Variants in ATP8A1 observed in about 807,000 individuals in gnomAD.
ATP8A1 encodes phospholipid-transporting ATPase IA.
ATP8A1 carries 90 observed loss-of-function variants against 177.7 expected under a neutral mutation model. That is an observed-to-expected ratio of 0.51 (90% CI 0.43 to 0.60). The LOEUF (loss-of-function observed/expected upper bound fraction) is 0.60, where lower values mean the gene tolerates loss of function less well. ATP8A1 is among the 20% of genes least tolerant of loss of function. The pLI is 0.00. For synonymous variants in ATP8A1, 493 were observed against 485.9 expected, an observed-to-expected ratio of 1.01 and a Z score of -0.19; for missense variants, 1,072 against 1,392.8, an observed-to-expected ratio of 0.77 and a Z score of 3.67.
chr4:42,417,329 G>A (rs368868302), intron 35 of ATP8A1, among the ~76,000 whole-genome samples: 1,173 of 92,046 alleles, frequency 0.013, 14 homozygotes, highest in African/African-American at 0.048. Context: ...TTAACAGTGT[G>A]AAAAGACAAA....
intron 27 of ATP8A1, chr4:42,459,563 G>A: frequency 3.1e-6 from 1 of 321,418 alleles, no homozygotes; most frequent in South Asian, 2.7e-5. Context: ...AAATAGAAAA[G>A]CTAGATATAT....
At chr4:42,572,845 T>TTACA (rs1732044712) in intron 14 of ATP8A1, among the ~76,000 whole-genome samples, 3 of 152,216 alleles carry the variant, frequency 2.0e-5, no homozygotes, top group Non-Finnish European at 4.4e-5. Flanking sequence ...TTTTCTAGGA[T>TTACA]TACATGGTAA....
intron 33 of ATP8A1, 48 bp from the exon 34 acceptor site, chr4:42,423,753 T>G (rs1235458880): frequency 1.6e-6 from 2 of 1,241,476 alleles, no homozygotes; most frequent in African/African-American, 3.0e-5. Flanking sequence ...AAAAAATACA[T>G]GATTTGTGTT....
At chr4:42,424,490 C>T (rs1714357538) in intron 33 of ATP8A1, among the ~76,000 whole-genome samples, 1 of 152,004 alleles carries the variant, frequency 6.6e-6, no homozygotes, top group Admixed American at 6.5e-5. Flanking sequence ...ATGTATTGTT[C>T]TAATTCCATT....
intron 22 of ATP8A1, among the ~76,000 whole-genome samples, chr4:42,508,688 T>C (rs1426522889): frequency 1.3e-5 from 2 of 152,230 alleles, no homozygotes; most frequent in East Asian, 3.8e-4. Context: ...AACCAACTGA[T>C]TCTCAGTCTT....
rs544048004 is a variant in ATP8A1 at position 42,632,745 on chromosome 4, C to T, written c.50-5636G>A. 9.5e-4 allele frequency among the ~76,000 whole-genome samples: 144 copies of T among 152,294 alleles called. 3 individuals carry two copies. In the South Asian group the frequency reaches 0.015, roughly 16 times the overall value. On this transcript the variant is annotated intron_variant, in intron 1 of 36. Transcript: ENST00000381668. ...GAAGTGAGCAAGTGCTCATCTTCCC[C>T]GAACAGTGTTTCATCACTTAACCCA... is the stretch of plus-strand genomic sequence containing the variant.
In ATP8A1 at chr4:42,412,179, GACAA is replaced by G. The variant is rs530977129; in HGVS notation, c.*733_*736del. The stretch of plus-strand genomic sequence containing the variant: ...CGTGTGTCCTCTAACAAATAAACAC[GACAA>G]ACAACAAAGAAGCATTTGTAAGGCC... On this transcript the variant is annotated 3_prime_UTR_variant, in exon 37 of 37. Transcript: ENST00000381668. 5.9e-5 allele frequency: 9 copies of G among 152,272 alleles called. No homozygotes were observed. The East Asian group carries it at 1.7e-3, about 29-fold the overall frequency. 9.4% of individuals were successfully genotyped at this position (152,272 alleles called of 1,614,324 possible). A position where few individuals can be genotyped will look rare whatever the true frequency, so the allele number is the denominator to read the frequency against.
chr4:42,621,419 C>G (rs73810764), intron 4 of ATP8A1, among the ~76,000 whole-genome samples: 59 of 152,310 alleles, frequency 3.9e-4, no homozygotes, highest in African/African-American at 1.4e-3. Context: ...CATTTCCTGG[C>G]TTTACCATCT....
At chr4:42,522,811 C>T (rs1044388939) in intron 21 of ATP8A1, among the ~76,000 whole-genome samples, 1 of 152,176 alleles carries the variant, frequency 6.6e-6, no homozygotes, top group African/African-American at 2.4e-5. Flanking sequence ...CTTTGATGCA[C>T]CCTCCTCTCA....
chr4:42,425,464 C>G (rs1055586688), intron 33 of ATP8A1, among the ~76,000 whole-genome samples: 1 of 152,050 alleles, frequency 6.6e-6, no homozygotes, highest in African/African-American at 2.4e-5. Flanking sequence ...GAAAGCCTGT[C>G]AGTTTTTTTT....
chr4:42,647,140 A>C (rs1472186659), intron 1 of ATP8A1, among the ~76,000 whole-genome samples: 3 of 152,166 alleles, frequency 2.0e-5, no homozygotes, highest in Admixed American at 2.0e-4. Context: ...CTAAGCACCC[A>C]TATAATGTGT....
At chr4:42,534,705 G>A (rs1043701671) in intron 20 of ATP8A1, among the ~76,000 whole-genome samples, 2 of 152,106 alleles carry the variant, frequency 1.3e-5, no homozygotes, top group African/African-American at 2.4e-5. Flanking sequence ...TCGGCACATA[G>A]TCGGCAGGTT....
intron 4 of ATP8A1, among the ~76,000 whole-genome samples, chr4:42,624,187 T>TA (rs927072574): frequency 1.3e-4 from 20 of 151,980 alleles, no homozygotes; most frequent in African/African-American, 4.8e-4. Context: ...TTATTTAAAT[T>TA]AAAAAATAGA....
intron 25 of ATP8A1, among the ~76,000 whole-genome samples, chr4:42,481,488 A>G (rs1044570912): frequency 1.3e-5 from 2 of 152,256 alleles, no homozygotes; most frequent in African/African-American, 4.8e-5. Context: ...CTGCCAAATC[A>G]GTAGAGCTAG....
intron 1 of ATP8A1, among the ~76,000 whole-genome samples, chr4:42,631,885 G>C (rs1738774505): frequency 6.6e-6 from 1 of 152,112 alleles, no homozygotes; most frequent in Admixed American, 6.6e-5. Context: ...CCAAGTTGTT[G>C]GAGACATCTC....
At chr4:42,590,430 T>G (rs959854738) in intron 7 of ATP8A1, among the ~76,000 whole-genome samples, 2 of 152,172 alleles carry the variant, frequency 1.3e-5, no homozygotes, top group African/African-American at 4.8e-5. Flanking sequence ...TTTCAATGAC[T>G]GTTTCATGAA....
At chr4:42,601,260 T>A (rs549171148) in intron 5 of ATP8A1, among the ~76,000 whole-genome samples, 2 of 151,972 alleles carry the variant, frequency 1.3e-5, no homozygotes, top group South Asian at 2.1e-4. Context: ...GGTATCGAAC[T>A]CCTGACCTCA....
At chr4:42,447,860 T>C (rs1395247504) in intron 30 of ATP8A1, among the ~76,000 whole-genome samples, 2 of 152,146 alleles carry the variant, frequency 1.3e-5, no homozygotes, top group African/African-American at 2.4e-5. Flanking sequence ...TGAGGGGGTT[T>C]TGAAGTGACA....
chr4:42,566,957 A>G (rs959495613), intron 15 of ATP8A1, among the ~76,000 whole-genome samples: 1 of 152,224 alleles, frequency 6.6e-6, no homozygotes, highest in Non-Finnish European at 1.5e-5. Context: ...CCAAAGCACT[A>G]CACAAACAGA....
Sources: allele counts gnomAD v4.1 joint callset (sites outside exome capture counted in the v4.1 genomes callset), GRCh38; gene constraint gnomAD v4.1.1; transcripts MANE v1.5; gene names NCBI Gene and HGNC (gene_info 2026-07-23, HGNC 2026-07-21).